Variants in COL5A2 observed in about 807,000 individuals in gnomAD.
The protein encoded by COL5A2 is collagen alpha-2(V) chain.
A neutral mutation model predicts 208.2 loss-of-function variants in COL5A2; 23 were observed. The observed-to-expected ratio is 0.11, with a 90% CI of 0.08 to 0.16. The LOEUF is 0.16. Ranked by LOEUF, COL5A2 falls within the 10% of genes least tolerant of loss-of-function variation. The probability of loss-of-function intolerance (pLI) is 1.00; values close to 1 mark genes in which losing one functional copy is unlikely to be tolerated. For synonymous variants in COL5A2, 625 were observed against 628.5 expected (o/e 0.99, Z 0.08); for missense variants, 1,590 against 1,956.4 (o/e 0.81, Z 3.53).
rs181250475 is a variant in COL5A2, at chr2:189,141,197, G to A, written c.98-30748C>T. Among the ~76,000 whole-genome samples, 727 of 152,154 alleles carry A rather than the reference G, an allele frequency of 4.8e-3. 4 individuals are homozygous for A. In the Middle Eastern group the frequency reaches 0.054, roughly 11 times the overall value. On this transcript the variant is annotated intron_variant, in intron 1 of 53. Transcript: ENST00000374866. ...AAGGAAGCCGACTTGGAAGTTAGCT[G>A]GAAATATAGTGTGCAGTAGACCAGT... is the stretch of plus-strand genomic sequence containing the variant.
At chr2:189,133,070 T>G (rs1006413573) in intron 1 of COL5A2, 2 of 149,808 alleles carry the variant, frequency 1.3e-5, no homozygotes, top group African/African-American at 4.9e-5. Context: ...TAGTTTGAAT[T>G]CATTAACAGG....
intron 1 of COL5A2, among the ~76,000 whole-genome samples, chr2:189,115,641 C>T (rs115818479): frequency 3.6e-4 from 55 of 152,278 alleles, no homozygotes; most frequent in African/African-American, 1.3e-3. Context: ...CTTATTCAGA[C>T]ACAGGTTTGT....
chr2:189,215,437 AT>A (rs1689267386), intron 1 of COL5A2, among the ~76,000 whole-genome samples: 1 of 152,230 alleles, frequency 6.6e-6, no homozygotes, highest in South Asian at 2.1e-4. Flanking sequence ...AGCATAAAAA[AT>A]AAAATATAAA....
chr2:189,110,287 G>A lies in COL5A2; in HGVS notation c.260C>T (p.Thr87Met), dbSNP rs778591411. Residue 87 changes from threonine (T) to methionine (M), a missense_variant, in exon 2 of 54, where the codon ACG (threonine) becomes ATG (methionine). Thr to Met is a moderately conservative substitution (Grantham distance 81). Transcript: ENST00000374866. The stretch of plus-strand genomic sequence containing the variant: ...GACAGGACAGCATTCCCCAGGGGGC[G>A]TTACAGGGTCGGCACAGTCCAGCAC... ...QDVLDCADPV[T>M]PPGECCPVCS... The A allele has an allele frequency of 1.7e-5, 27 of 1,613,928 alleles. No homozygotes were observed. The highest frequency in any genetic ancestry group is 6.6e-5 in the South Asian group (6 of 91,088).
At chr2:189,389,412 T>C in the COL5A2 span, among the ~76,000 whole-genome samples, 1 of 152,190 alleles carries the variant, frequency 6.6e-6, no homozygotes, top group Non-Finnish European at 1.5e-5. Flanking sequence ...TGATTCATCC[T>C]ACCAAAAACA....
Position 189,075,278 on chromosome 2 carries a change from A to G in COL5A2, c.1104+115T>C, listed in dbSNP as rs145791814. 7,483 of 735,392 alleles carry G rather than the reference A, an allele frequency of 0.01. 62 individuals are homozygous for G. The highest frequency in any genetic ancestry group is 0.015 in the Non-Finnish European group (6,021 of 411,350). The allele number at this position is 735,392 out of a possible 1,614,324, so 45.6% of individuals were successfully genotyped here. A position where few individuals can be genotyped will look rare whatever the true frequency, so the allele number is the denominator to read the frequency against. ...TTGAAGAAGTACTATGTGTCCATCA[A>G]CTTTTTATTCCAAGTGTCTGGCATG... is the stretch of plus-strand genomic sequence containing the variant. On this transcript the variant is annotated intron_variant, in intron 17 of 53. Transcript: ENST00000374866.
At chr2:189,309,461 G>C in the COL5A2 span, among the ~76,000 whole-genome samples, 1 of 152,118 alleles carries the variant, frequency 6.6e-6, no homozygotes, top group African/African-American at 2.4e-5. Flanking sequence ...CCAAGTGCTG[G>C]CAGGCCACTG....
chr2:189,180,626 G>C (rs1329468938), upstream of COL5A2, among the ~76,000 whole-genome samples: 1 of 152,112 alleles, frequency 6.6e-6, no homozygotes, highest in Non-Finnish European at 1.5e-5. Context: ...TGAGAAAAGG[G>C]CTTTACCCTG....
At position 189,058,601 on chromosome 2, in the gene COL5A2, GC is replaced by G. The variant is rs564285795; in HGVS notation, c.2131-75del. The G allele has an allele frequency of 3.5e-3, 4,680 of 1,327,316 alleles. 13 individuals carry two copies. Among genetic ancestry groups the G allele is most frequent in the Non-Finnish European group, 4.7e-3 (4,323 of 923,818 alleles). The allele number at this position is 1,327,316 out of a possible 1,614,324, so 82.2% of individuals were successfully genotyped here. A position where few individuals can be genotyped will look rare whatever the true frequency, so the allele number is the denominator to read the frequency against. ...TAGGTCAAAATGTTTCTGAGAAATG[GC>G]TTCTACTGCGGAAAAATTCAGAAAT... On this transcript the variant is annotated intron_variant, in intron 32 of 53. Transcript: ENST00000374866.
chr2:189,150,637 A>G (rs561495615), intron 1 of COL5A2, among the ~76,000 whole-genome samples: 1 of 152,226 alleles, frequency 6.6e-6, no homozygotes, highest in African/African-American at 2.4e-5. Flanking sequence ...CATTTAAAAA[A>G]CCGTGAAAGA....
chr2:189,396,671 TAAAAA>T, the COL5A2 span, among the ~76,000 whole-genome samples: 8 of 102,422 alleles, frequency 7.8e-5, no homozygotes, highest in Non-Finnish European at 1.3e-4. Context: ...AAGACTCCAT[TAAAAA>T]AAAAAAAAAA....
At chr2:189,067,773 T>C (rs1686184721) in intron 21 of COL5A2, among the ~76,000 whole-genome samples, 1 of 152,206 alleles carries the variant, frequency 6.6e-6, no homozygotes, top group South Asian at 2.1e-4. Flanking sequence ...CATAAAGTTA[T>C]AACCTTATTA....
At chr2:189,223,821 G>A (rs1689378464) in intron 1 of COL5A2, among the ~76,000 whole-genome samples, 1 of 152,126 alleles carries the variant, frequency 6.6e-6, no homozygotes. Context: ...TACTAGGGGA[G>A]TATTCTAAGT....
chr2:189,151,488 A>G (rs1238324859), intron 1 of COL5A2, among the ~76,000 whole-genome samples: 2 of 152,182 alleles, frequency 1.3e-5, no homozygotes, highest in Admixed American at 1.3e-4. Context: ...GAAAACATAC[A>G]TGACGGTAAA....
chr2:189,134,012 T>G (rs1478774153), intron 1 of COL5A2, among the ~76,000 whole-genome samples: 1 of 151,986 alleles, frequency 6.6e-6, no homozygotes, highest in African/African-American at 2.4e-5. Flanking sequence ...AAAGCTCTTC[T>G]TTCACCAACA....
chr2:189,031,962 T>G lies in COL5A2; in HGVS notation c.*2108A>C, dbSNP rs948194598. On this transcript the variant is annotated 3_prime_UTR_variant, in exon 54 of 54. Transcript: ENST00000374866. ...CAAATAAGAACTGTTATTTCTATAG[T>G]TGGAAATTGTTAGTGTTTGTGACTT... is the stretch of plus-strand genomic sequence containing the variant. The G allele has an allele frequency of 7.9e-5, 12 of 152,130 alleles. No homozygotes were observed. Among genetic ancestry groups the G allele is most frequent in the African/African-American group, 2.9e-4 (12 of 41,438 alleles). The allele number at this position is 152,130 out of a possible 1,614,324, so 9.4% of individuals were successfully genotyped here.
At position 189,042,950 on chromosome 2, in the gene COL5A2, A is replaced by G. The variant is rs13392501; in HGVS notation, c.3472-177T>C. 0.084 allele frequency among the ~76,000 whole-genome samples: 12,753 copies of G among 152,294 alleles called. 626 individuals carry two copies. The highest frequency in any genetic ancestry group is 0.15 in the South Asian group (741 of 4,822). On this transcript the variant is annotated intron_variant, in intron 48 of 53. Transcript: ENST00000374866. ...AAGACACCTGTAGGAGTAACAGTGCATATAGCTTTTGCTTTATTTCTTCCC... is the reference window on the plus strand; with the variant it reads ...AAGACACCTGTAGGAGTAACAGTGCGTATAGCTTTTGCTTTATTTCTTCCC...
At position 189,116,294 on chromosome 2, in the gene COL5A2, G is replaced by A. The variant is rs144648904; in HGVS notation, c.98-5845C>T. Among the ~76,000 whole-genome samples, 208 of 152,298 alleles carry A rather than the reference G, an allele frequency of 1.4e-3. 2 individuals are homozygous for A. The East Asian group carries it at 0.036, about 26-fold the overall frequency. ...TGCCTTTAGTAATGCACAGCAGAGC[G>A]TGGGCTCCTGGATGGGGTTCCAGAG... On this transcript the variant is annotated intron_variant, in intron 1 of 53. Transcript: ENST00000374866.
chr2:189,359,529 C>T, the COL5A2 span, among the ~76,000 whole-genome samples: 2 of 152,148 alleles, frequency 1.3e-5, no homozygotes, highest in East Asian at 1.9e-4. Context: ...CTGTAGCTTT[C>T]GTTTTTGGTG....
Sources: gnomAD v4.1 joint callset for allele counts (sites outside exome capture counted in the v4.1 genomes callset) on GRCh38, gnomAD v4.1.1 for gene constraint, MANE v1.5 for transcripts, NCBI Gene and HGNC (gene_info 2026-07-23, HGNC 2026-07-21) for gene names.